SHLD2: variants seen among roughly 807,000 people sequenced by gnomAD.
SHLD2 encodes the protein shieldin complex subunit 2.
In SHLD2, 30 loss-of-function variants were observed where a neutral mutation model predicts 73.2. That is an observed-to-expected ratio of 0.41 (90% confidence interval 0.31 to 0.56). The LOEUF is 0.56. Among genes scored for constraint, SHLD2 ranks in the 20% least tolerant of loss-of-function variants. The probability of loss-of-function intolerance (pLI) is 0.28; values close to 1 mark genes in which losing one functional copy is unlikely to be tolerated. For synonymous variants in SHLD2, 285 were observed against 370.1 expected (o/e 0.77, Z 2.64); for missense variants, 745 against 1,055.9 (o/e 0.71, Z 4.08).
chr10:87,159,601 C>A (rs1389100342), intron 4 of SHLD2, among the ~76,000 whole-genome samples: 1 of 152,172 alleles, frequency 6.6e-6, no homozygotes, highest in Non-Finnish European at 1.5e-5. Flanking sequence ...GGAGTAGAAT[C>A]AGGGTTAGGA....
intron 2 of SHLD2, among the ~76,000 whole-genome samples, chr10:87,104,162 G>A (rs1842447263): frequency 6.6e-6 from 1 of 151,574 alleles, no homozygotes; most frequent in South Asian, 2.1e-4. Context: ...GCTTGAACCC[G>A]GGAGGCGGAG....
At chr10:87,171,035 G>A in intron 6 of SHLD2, 61 bp downstream of exon 6, 1 of 747,090 alleles carries the variant, frequency 1.3e-6, no homozygotes, top group Non-Finnish European at 2.2e-6. Flanking sequence ...ATGTTTATGA[G>A]CCCAAGATGG....
Position 87,161,624 on chromosome 10 carries a change from A to T in SHLD2, c.1633+3469A>T, listed in dbSNP as rs569611591. ...AAACACTCCAGAAAGAAATGAAGAC[A>T]TGAAGAAATGGAAAGACATTCCCTG... is the stretch of plus-strand genomic sequence containing the variant. On this transcript the variant is annotated intron_variant, in intron 4 of 9. Coordinates refer to ENST00000298786, the MANE Select transcript of SHLD2 (RefSeq NM_001330112.2). Among the ~76,000 whole-genome samples, 24 of 152,328 alleles carry T rather than the reference A, an allele frequency of 1.6e-4. No individual in the cohort carries two copies. In the South Asian group the frequency reaches 3.3e-3, roughly 21 times the overall value.
At chr10:87,154,899 A>G (rs1846290371) in intron 3 of SHLD2, among the ~76,000 whole-genome samples, 1 of 152,158 alleles carries the variant, frequency 6.6e-6, no homozygotes, top group Non-Finnish European at 1.5e-5. Flanking sequence ...AACCTTAGCT[A>G]ATGTACCTTG....
chr10:87,169,239 A>G lies in SHLD2; in HGVS notation c.1634-1239A>G, dbSNP rs182564911. Among the ~76,000 whole-genome samples the G allele has an allele frequency of 3.5e-3, 527 of 152,354 alleles. 4 individuals carry two copies. The highest frequency in any genetic ancestry group is 0.012 in the African/African-American group (502 of 41,588). ...TATGTACAAGTTCACAGAGCTTATT[A>G]TTGACAAAACCAGAATTTGAATACA... On this transcript the variant is annotated intron_variant, in intron 4 of 9. Coordinates refer to ENST00000298786, the MANE Select transcript of SHLD2 (RefSeq NM_001330112.2).
At chr10:87,155,500 A>C (rs1453630757) in intron 3 of SHLD2, among the ~76,000 whole-genome samples, 1 of 150,154 alleles carries the variant, frequency 6.7e-6, no homozygotes, top group Non-Finnish European at 1.5e-5. Flanking sequence ...ATTGTAAATG[A>C]AAAAAAAATT....
At chr10:87,115,030 A>T (rs1004137522) in intron 2 of SHLD2, among the ~76,000 whole-genome samples, 3 of 151,988 alleles carry the variant, frequency 2.0e-5, no homozygotes, top group African/African-American at 7.3e-5. Flanking sequence ...AAAGATGTGG[A>T]CCAGAGTTAT....
intron 2 of SHLD2, among the ~76,000 whole-genome samples, chr10:87,100,281 G>A (rs1399595424): frequency 2.0e-5 from 3 of 151,938 alleles, no homozygotes; most frequent in Non-Finnish European, 4.4e-5. Flanking sequence ...TACTTTTTCC[G>A]AGAAAAGGAT....
chr10:87,182,905 G>T (rs1419124484), intron 8 of SHLD2, among the ~76,000 whole-genome samples: 1 of 151,574 alleles, frequency 6.6e-6, no homozygotes, highest in Non-Finnish European at 1.5e-5. Flanking sequence ...CCTCAGAGCA[G>T]GAAAGGCAAG....
rs1402015569 is a variant in SHLD2, at chr10:87,140,842, G to A, written c.-5-10508G>A. Among the ~76,000 whole-genome samples the A allele has an allele frequency of 2.0e-5, 3 of 152,226 alleles. No individual in the cohort carries two copies. In the East Asian group the frequency reaches 5.8e-4, roughly 29 times the overall value. ...ATATAAAAAGTTAGCCAGGCATGGT[G>A]GCACTTGTCTGTAATCCCACTTACT... On this transcript the variant is annotated intron_variant, in intron 2 of 9. Coordinates refer to ENST00000298786, the MANE Select transcript of SHLD2 (RefSeq NM_001330112.2).
intron 4 of SHLD2, among the ~76,000 whole-genome samples, chr10:87,161,894 G>T (rs4611112): frequency 0.68 from 100,772 of 148,936 alleles, 34,690 homozygotes; most frequent in Middle Eastern, 0.88. Context: ...TTAAAACAGT[G>T]AAGTACTGAT....
chr10:87,153,487 C>T (rs1589581997), intron 3 of SHLD2, among the ~76,000 whole-genome samples: 1 of 152,044 alleles, frequency 6.6e-6, no homozygotes, highest in Non-Finnish European at 1.5e-5. Flanking sequence ...GCCTTATTAT[C>T]AAAATTATAT....
chr10:87,152,320 T>C lies in SHLD2; in HGVS notation c.966T>C (p.Asn322=). 7.0e-7 allele frequency: 1 copy of C among 1,438,692 alleles called. No individual in the cohort carries two copies. The highest frequency in any genetic ancestry group is 2.1e-5 in the Admixed American group (1 of 48,074). The allele number at this position is 1,438,692 out of a possible 1,614,324, so 89.1% of individuals were successfully genotyped here. The change falls in exon 3 of 10, where the codon AAT becomes AAC. Residue 322 remains asparagine (N), a synonymous_variant. Coordinates refer to ENST00000298786, the MANE Select transcript of SHLD2 (RefSeq NM_001330112.2). ...GTCCTGTTTGTCCTAAAACAGAAAA[T>C]AGCCGCATTCACATAAACTCTGATA... The part of the protein sequence containing the change: ...LFSPVCPKTE[N]SRIHINSDKG...
In SHLD2 at chr10:87,163,269, C is replaced by A. The variant is rs563736212; in HGVS notation, c.1633+5114C>A. Among the ~76,000 whole-genome samples, 23 of 152,108 alleles carry A rather than the reference C, an allele frequency of 1.5e-4. No individual in the cohort carries two copies. In the South Asian group the frequency reaches 2.9e-3, roughly 19 times the overall value. The stretch of plus-strand genomic sequence containing the variant: ...GAAGGAATGGAGGTATAAGAAAATA[C>A]CTCGGTTTATTTGTGGAAAGAAAAT... On this transcript the variant is annotated intron_variant, in intron 4 of 9. Coordinates refer to ENST00000298786, the MANE Select transcript of SHLD2 (RefSeq NM_001330112.2).
At chr10:87,104,343 T>C (rs1399206238) in intron 2 of SHLD2, among the ~76,000 whole-genome samples, 1 of 146,522 alleles carries the variant, frequency 6.8e-6, no homozygotes, top group Non-Finnish European at 1.5e-5. Context: ...AGGTCAGGAG[T>C]TCAAGACCAG....
chr10:87,144,590 G>A (rs979077201), intron 2 of SHLD2, among the ~76,000 whole-genome samples: 8 of 140,320 alleles, frequency 5.7e-5, no homozygotes, highest in African/African-American at 2.1e-4. Context: ...ATTTTAAAGA[G>A]TAAATTTAGG....
intron 4 of SHLD2, among the ~76,000 whole-genome samples, chr10:87,168,239 A>G (rs1331554907): frequency 6.6e-6 from 1 of 152,084 alleles, no homozygotes; most frequent in Non-Finnish European, 1.5e-5. Context: ...GGTGGCCATC[A>G]GTGGAGGATT....
At chr10:87,149,315 A>C (rs1387205206) in intron 2 of SHLD2, among the ~76,000 whole-genome samples, 1 of 151,842 alleles carries the variant, frequency 6.6e-6, no homozygotes, top group Non-Finnish European at 1.5e-5. Context: ...ATGACATGCA[A>C]TAGAACAGCT....
At chr10:87,175,322 A>G (rs1847884308) in intron 6 of SHLD2, among the ~76,000 whole-genome samples, 1 of 151,910 alleles carries the variant, frequency 6.6e-6, no homozygotes, top group Non-Finnish European at 1.5e-5. Context: ...TTCTTTACAG[A>G]AAGCAGTTGG....
Sources: allele counts gnomAD v4.1 joint callset (sites outside exome capture counted in the v4.1 genomes callset), GRCh38; gene constraint gnomAD v4.1.1; transcripts MANE v1.5; gene names NCBI Gene and HGNC (gene_info 2026-07-23, HGNC 2026-07-21).